The following CADPS variants were observed in gnomAD, a reference collection of about 807,000 sequenced individuals.
CADPS encodes calcium dependent secretion activator.
A neutral mutation model predicts 167.3 loss-of-function variants in CADPS; 57 were observed. That is an observed-to-expected ratio of 0.34 (90% CI 0.28 to 0.42). The LOEUF (loss-of-function observed/expected upper bound fraction) is 0.42. Ranked by LOEUF, CADPS falls within the 20% of genes least tolerant of loss-of-function variation. CADPS has a pLI of 1.00. For synonymous variants in CADPS, 676 were observed against 635.3 expected, an observed-to-expected ratio of 1.06 and a Z score of -0.96; for missense variants, 1,414 against 1,738.1, an observed-to-expected ratio of 0.81 and a Z score of 3.32.
intron 3 of CADPS, among the ~76,000 whole-genome samples, chr3:62,748,717 AT>A (rs1027404249): frequency 6.6e-6 from 1 of 152,088 alleles, no homozygotes; most frequent in African/African-American, 2.4e-5. Flanking sequence ...TCACTTAAAA[AT>A]TTTTTTTGAG....
intron 3 of CADPS, among the ~76,000 whole-genome samples, chr3:62,683,229 C>T (rs558604467): frequency 1.3e-5 from 2 of 151,926 alleles, no homozygotes; most frequent in South Asian, 2.1e-4. Context: ...TAGGGTGAGA[C>T]ATATTGGGAG....
At chr3:62,628,052 TAG>T (rs1360064702) in intron 6 of CADPS, among the ~76,000 whole-genome samples, 1 of 152,134 alleles carries the variant, frequency 6.6e-6, no homozygotes, top group African/African-American at 2.4e-5. Context: ...GTGGGTGAAG[TAG>T]AGTGTTCCTC....
chr3:62,459,936 A>T (rs572094792), intron 26 of CADPS, among the ~76,000 whole-genome samples: 63 of 152,272 alleles, frequency 4.1e-4, no homozygotes, highest in African/African-American at 1.5e-3. Flanking sequence ...AAATCTTTAT[A>T]AATTATTTTT....
intron 1 of CADPS, among the ~76,000 whole-genome samples, chr3:62,837,389 G>T (rs533270213): frequency 6.6e-6 from 1 of 152,240 alleles, no homozygotes; most frequent in African/African-American, 2.4e-5. Flanking sequence ...CTCACAGGAC[G>T]GGTTAAGTTG....
intron 28 of CADPS, among the ~76,000 whole-genome samples, chr3:62,417,257 T>G (rs2149346542): frequency 6.8e-6 from 1 of 147,424 alleles, no homozygotes; most frequent in South Asian, 2.2e-4. Context: ...CTTAACACAA[T>G]AACTATTTTT....
intron 6 of CADPS, among the ~76,000 whole-genome samples, chr3:62,636,107 C>T (rs745799952): frequency 6.6e-6 from 1 of 152,186 alleles, no homozygotes; most frequent in African/African-American, 2.4e-5. Flanking sequence ...ATAAGAATAA[C>T]ATCTCTTACA....
intron 8 of CADPS, among the ~76,000 whole-genome samples, chr3:62,580,099 G>T (rs1004246612): frequency 6.6e-6 from 1 of 152,130 alleles, no homozygotes; most frequent in Non-Finnish European, 1.5e-5. Context: ...CGAGACCAAA[G>T]GACTATAAAT....
intron 27 of CADPS, among the ~76,000 whole-genome samples, 174 bp downstream of exon 27, chr3:62,445,591 T>C (rs948645589): frequency 4.0e-5 from 6 of 151,688 alleles, no homozygotes; most frequent in Middle Eastern, 3.4e-3. Context: ...GAAAAAAAAA[T>C]TCTACTACAA....
rs17067284 is a variant in CADPS, at chr3:62,864,883, A to G, written c.441+9706T>C. Among the ~76,000 whole-genome samples, 754 of 152,224 alleles carry G rather than the reference A, an allele frequency of 5.0e-3. 7 individuals carry two copies. Among genetic ancestry groups the G allele is most frequent in the African/African-American group, 0.017 (713 of 41,544 alleles). On this transcript the variant is annotated intron_variant, in intron 1 of 29. Coordinates refer to ENST00000383710, the MANE Select transcript of CADPS (RefSeq NM_003716.4). ...TACGTCAGTGTATCTCAACTTCTCA[A>G]CCAGATTGCTAGGTTCCTAGAGATC... is the stretch of plus-strand genomic sequence containing the variant.
chr3:62,608,215 A>G (rs866482), intron 6 of CADPS, among the ~76,000 whole-genome samples: 39,721 of 151,940 alleles, frequency 0.26, 5,746 homozygotes, highest in Middle Eastern at 0.54. Flanking sequence ...CCCACAAAAT[A>G]ACAAACATAC....
Position 62,874,505 on chromosome 3 carries a change from A to T in CADPS, c.441+84T>A. Reference sequence around the variant, plus strand: ...TCCACCTCTCCTGCTCCTCCTCGCCAGCTGCGCCGCCAGCTCCCATTGTTC... The same window carrying T: ...TCCACCTCTCCTGCTCCTCCTCGCCTGCTGCGCCGCCAGCTCCCATTGTTC... On this transcript the variant is annotated intron_variant, in intron 1 of 29. Transcript: ENST00000383710. The surrounding 1 kb of genome is among the most constrained non-coding windows in gnomAD (Gnocchi z 7.1). 9.3e-7 allele frequency: 1 copy of T among 1,079,378 alleles called. No individual in the cohort carries two copies. Among genetic ancestry groups the T allele is most frequent in the Non-Finnish European group, 1.4e-6 (1 of 738,982 alleles). 66.9% of individuals were successfully genotyped at this position (1,079,378 alleles called of 1,614,324 possible). A position where few individuals can be genotyped will look rare whatever the true frequency, so the allele number is the denominator to read the frequency against.
chr3:62,465,257 A>T lies in CADPS; in HGVS notation c.3636+110T>A. ...TTAATATTATACAATAGTTGACTAT[A>T]ATTAACACACACACCCATCCCAAAA... is the stretch of plus-strand genomic sequence containing the variant. On this transcript the variant is annotated intron_variant, in intron 26 of 29. Coordinates refer to ENST00000383710, the MANE Select transcript of CADPS (RefSeq NM_003716.4). The surrounding 1 kb of genome is among the most constrained non-coding windows in gnomAD (Gnocchi z 4.1). 1.4e-6 allele frequency: 1 copy of T among 698,078 alleles called. No individual in the cohort carries two copies. The highest frequency in any genetic ancestry group is 2.5e-5 in the East Asian group (1 of 39,866). 43.2% of individuals were successfully genotyped at this position (698,078 alleles called of 1,614,324 possible).
chr3:62,745,696 T>C (rs1159987141), intron 3 of CADPS, among the ~76,000 whole-genome samples: 2 of 152,196 alleles, frequency 1.3e-5, no homozygotes, highest in Non-Finnish European at 2.9e-5. Flanking sequence ...TGCACTTTGT[T>C]GAACCAGAAA....
rs1345849838 is a variant in CADPS, at chr3:62,544,693, C to T, written c.1966+5210G>A. Among the ~76,000 whole-genome samples, 1 of 152,028 alleles carries T rather than the reference C, an allele frequency of 6.6e-6. No homozygotes were observed. The highest frequency in any genetic ancestry group is 1.5e-5 in the Non-Finnish European group (1 of 67,992). On this transcript the variant is annotated intron_variant, in intron 11 of 29. Transcript: ENST00000383710. The surrounding 1 kb of genome is among the most constrained non-coding windows in gnomAD (Gnocchi z 4.4). ...ATGCATCCTAGTTTCAGTATGGAAG[C>T]TTACATTTCAAACCTAAGGTCAGGA...
chr3:62,552,710 G>C (rs571448021), intron 10 of CADPS, among the ~76,000 whole-genome samples: 1 of 152,200 alleles, frequency 6.6e-6, no homozygotes, highest in Non-Finnish European at 1.5e-5. Flanking sequence ...TGCTGCAAGC[G>C]TGGGTGTGTA....
At chr3:62,614,215 TG>T (rs2061919116) in intron 6 of CADPS, among the ~76,000 whole-genome samples, 1 of 152,074 alleles carries the variant, frequency 6.6e-6, no homozygotes, top group African/African-American at 2.4e-5. Context: ...TGCTATGGGG[TG>T]GTGAGAGCTG....
chr3:62,550,183 T>A (rs1423585185), intron 10 of CADPS, 68 bp from the exon 11 acceptor site: 1 of 1,294,770 alleles, frequency 7.7e-7, no homozygotes, highest in East Asian at 2.3e-5. Flanking sequence ...ACTCAGCCTT[T>A]GAAAAAGCAG....
At position 62,478,296 on chromosome 3, in the gene CADPS, C is replaced by A; in HGVS notation, c.3294G>T (p.Leu1098Phe). ...AAGATTCGATCATGTCACTTGCCAT[C>A]AACTTCAGCCGTTGTTCCAGGTGCT... The part of the protein sequence containing the change: ...FGKHLEQRLK[L>F]MASDMIESCV... The change falls in exon 23 of 30, where the codon TTG becomes TTT. Residue 1098 changes from leucine to phenylalanine, a missense_variant. By Grantham distance (22) the Leu-to-Phe change is conservative. Coordinates refer to ENST00000383710, the MANE Select transcript of CADPS (RefSeq NM_003716.4). The surrounding 1 kb of genome is among the most constrained non-coding windows in gnomAD (Gnocchi z 5.7). The A allele has an allele frequency of 1.9e-6, 3 of 1,613,868 alleles. No homozygotes were observed. The highest frequency in any genetic ancestry group is 2.5e-6 in the Non-Finnish European group (3 of 1,179,818).
chr3:62,607,603 C>T (rs929899639), intron 6 of CADPS, among the ~76,000 whole-genome samples: 17 of 152,194 alleles, frequency 1.1e-4, no homozygotes, highest in African/African-American at 4.1e-4. Flanking sequence ...TCAGGGATAG[C>T]CATTCAGGGC....
Sources: gnomAD v4.1 joint callset for allele counts (sites outside exome capture counted in the v4.1 genomes callset) on GRCh38, gnomAD v4.1.1 for gene constraint, Gnocchi (gnomAD v3.1) non-coding constraint, MANE v1.5 for transcripts, NCBI Gene and HGNC (gene_info 2026-07-23, HGNC 2026-07-21) for gene names.